AKAP13: variants seen among roughly 807,000 people sequenced by gnomAD.
AKAP13 encodes the protein A-kinase anchor protein 13.
Under a neutral mutation model 264.5 loss-of-function variants are expected in AKAP13, and 80 were observed. That is an observed-to-expected ratio of 0.30 (90% CI 0.25 to 0.36). The LOEUF (loss-of-function observed/expected upper bound fraction) is 0.36. AKAP13 is among the 10% of genes least tolerant of loss of function. The pLI is 1.00. For synonymous variants in AKAP13, 1,380 were observed against 1,250.2 expected (o/e 1.10, Z -2.19); for missense variants, 3,712 against 3,435.2 (o/e 1.08, Z -2.01).
intron 14 of AKAP13, among the ~76,000 whole-genome samples, chr15:85,677,944 A>T (rs2084344714): frequency 6.6e-6 from 1 of 152,094 alleles, no homozygotes; most frequent in Non-Finnish European, 1.5e-5. Context: ...CACAGCGCCC[A>T]GCCGGAGTTA....
chr15:85,399,359 G>A (rs970136508), intron 1 of AKAP13, among the ~76,000 whole-genome samples: 3 of 148,998 alleles, frequency 2.0e-5, no homozygotes, highest in Non-Finnish European at 4.5e-5. Context: ...AGCCGGGCGC[G>A]GTGGCGGGCG....
At chr15:85,477,955 C>T (rs569798310) in intron 1 of AKAP13, among the ~76,000 whole-genome samples, 2 of 152,244 alleles carry the variant, frequency 1.3e-5, no homozygotes, top group South Asian at 2.1e-4. Context: ...TCATATCTGG[C>T]GCGTGCTGTT....
intron 14 of AKAP13, among the ~76,000 whole-genome samples, chr15:85,670,361 C>T (rs560355034): frequency 6.6e-6 from 1 of 151,804 alleles, no homozygotes; most frequent in South Asian, 2.1e-4. Flanking sequence ...CTTATATTAC[C>T]ATAGTATATG....
Position 85,715,804 on chromosome 15 carries a change from G to A in AKAP13, c.5616G>A (p.Glu1872=), listed in dbSNP as rs773578064. The A allele has an allele frequency of 1.9e-6, 3 of 1,611,964 alleles. No homozygotes were observed. Among genetic ancestry groups the A allele is most frequent in the Non-Finnish European group, 1.7e-6 (2 of 1,179,582 alleles). The change falls in exon 20 of 37, where the codon GAG becomes GAA. Residue 1872 remains glutamate (E), a synonymous_variant. Coordinates refer to ENST00000394518, the MANE Select transcript of AKAP13 (RefSeq NM_007200.5). ...IMRNKPSQPK[E]RPRSAVLLVD... is the part of the protein sequence containing the mutation. ...CTTTTGCAGCCTCACAGCCCAAGGA[G>A]CGTCCTCGGTCCGCAGTCCTCCTGG... is the stretch of plus-strand genomic sequence containing the variant.
rs905462725 is a variant in AKAP13 at position 85,741,480 on chromosome 15, A to G, written c.8043A>G (p.Glu2681=). ...EAERLSQRQT[E]RDLCQVSHPH... ...AGCGGCTCAGCCAGCGGCAGACAGAACGGGACCTGTGTCAGGTAATGGGAC... is the reference window on the plus strand; with the variant it reads ...AGCGGCTCAGCCAGCGGCAGACAGAGCGGGACCTGTGTCAGGTAATGGGAC... Residue 2681 remains glutamate (E), a synonymous_variant, in exon 35 of 37, where the codon GAA becomes GAG. Transcript: ENST00000394518. 3 of 1,594,126 alleles carry G rather than the reference A, an allele frequency of 1.9e-6. No individual in the cohort carries two copies. Among genetic ancestry groups the G allele is most frequent in the Admixed American group, 3.4e-5 (2 of 58,822 alleles).
In AKAP13 at chr15:85,684,914, G is replaced by A. The variant is rs1448790367; in HGVS notation, c.5289+41G>A. On this transcript the variant is annotated intron_variant, in intron 16 of 36. Coordinates refer to ENST00000394518, the MANE Select transcript of AKAP13 (RefSeq NM_007200.5). ...GGCATTGCTTGTGATCACCTCAGTA[G>A]GATCCTGTCACAGCCTGCATTCACA... 2.5e-6 allele frequency: 4 copies of A among 1,590,380 alleles called. No individual in the cohort carries two copies. The African/African-American group carries it at 5.4e-5, about 21-fold the overall frequency.
intron 14 of AKAP13, among the ~76,000 whole-genome samples, chr15:85,673,247 A>G (rs190479030): frequency 3.3e-5 from 5 of 152,318 alleles, no homozygotes; most frequent in Admixed American, 1.3e-4. Context: ...TACTGAATAG[A>G]GAGGGTGACT....
At chr15:85,712,846 C>G (rs1847064310) in intron 19 of AKAP13, among the ~76,000 whole-genome samples, 2 of 152,108 alleles carry the variant, frequency 1.3e-5, no homozygotes, top group African/African-American at 4.8e-5. Context: ...ACCTGGCCCT[C>G]CCACAAATAT....
At chr15:85,512,865 GTA>G (rs2076485104) in intron 2 of AKAP13, among the ~76,000 whole-genome samples, 1 of 138,658 alleles carries the variant, frequency 7.2e-6, no homozygotes, top group Admixed American at 7.3e-5. Context: ...ATGTATGTAT[GTA>G]TGTTTTTGAG....
rs188757557 is a variant in AKAP13, at chr15:85,409,280, C to T, written c.-12+28482C>T. Among the ~76,000 whole-genome samples the T allele has an allele frequency of 2.0e-4, 31 of 151,856 alleles. 1 individual carries two copies. In the Middle Eastern group the frequency reaches 0.014, roughly 67 times the overall value. The stretch of plus-strand genomic sequence containing the variant: ...GGAACCTCTGCCTCCCAGGTTCAAG[C>T]GATTCTCCTGCCTCAGCCTCCTGAG... On this transcript the variant is annotated intron_variant, in intron 1 of 36. Coordinates refer to ENST00000394518, the MANE Select transcript of AKAP13 (RefSeq NM_007200.5).
chr15:85,533,078 G>T (rs952150933), intron 3 of AKAP13, among the ~76,000 whole-genome samples: 1 of 152,212 alleles, frequency 6.6e-6, no homozygotes, highest in Non-Finnish European at 1.5e-5. Flanking sequence ...TTTTCCAAGT[G>T]CTTCATCATG....
intron 18 of AKAP13, among the ~76,000 whole-genome samples, chr15:85,709,752 GTCTT>G (rs1163409483): frequency 1.3e-5 from 2 of 151,926 alleles, no homozygotes; most frequent in Non-Finnish European, 2.9e-5. Context: ...CAATGGCACA[GTCTT>G]GGCTCACTGC....
At chr15:85,547,047 G>A (rs1181329791) in intron 5 of AKAP13, among the ~76,000 whole-genome samples, 2 of 152,074 alleles carry the variant, frequency 1.3e-5, no homozygotes, top group African/African-American at 4.8e-5. Flanking sequence ...CAGCCATGAT[G>A]CTATCTTTCT....
At chr15:85,599,341 T>G (rs542926703) in intron 8 of AKAP13, among the ~76,000 whole-genome samples, 1 of 152,372 alleles carries the variant, frequency 6.6e-6, no homozygotes, top group East Asian at 1.9e-4. Flanking sequence ...TTAGGTTTGC[T>G]TTTAAATCGA....
chr15:85,447,736 G>A (rs1423352445), intron 1 of AKAP13, among the ~76,000 whole-genome samples: 1 of 152,188 alleles, frequency 6.6e-6, no homozygotes. Flanking sequence ...ATTTCAAGAT[G>A]TATATGTACC....
In AKAP13 at chr15:85,521,491, T is replaced by C. The variant is rs139333419; in HGVS notation, c.97T>C (p.Tyr33His). ...EDKAEDDVVF[Y>H]LVFLGSTLRH... is the part of the protein sequence containing the mutation. ...CAAAGCTGAAGATGATGTAGTGTTT[T>C]ACTTGGTATTTTTGGGTTCCACCCT... is the stretch of plus-strand genomic sequence containing the variant. The change falls in exon 3 of 37, where the codon TAC becomes CAC. Residue 33 changes from tyrosine (Y) to histidine (H), a missense_variant. Coordinates refer to ENST00000394518, the MANE Select transcript of AKAP13 (RefSeq NM_007200.5). 130 of 1,614,082 alleles carry C rather than the reference T, an allele frequency of 8.1e-5. No homozygotes were observed. Among genetic ancestry groups the C allele is most frequent in the Non-Finnish European group, 9.8e-5 (116 of 1,180,032 alleles).
intron 10 of AKAP13, among the ~76,000 whole-genome samples, chr15:85,650,167 C>T (rs1416537456): frequency 6.6e-6 from 1 of 152,204 alleles, no homozygotes; most frequent in East Asian, 1.9e-4. Context: ...TGCTGGTTCA[C>T]ACTTGTAATC....
In AKAP13 at chr15:85,588,015, C is replaced by CAA. The variant is rs58498483; in HGVS notation, c.4161+2203_4161+2204dup. Among the ~76,000 whole-genome samples, 220 of 144,704 alleles carry CAA rather than the reference C, an allele frequency of 1.5e-3. 1 individual carries two copies. Among genetic ancestry groups the CAA allele is most frequent in the African/African-American group, 4.2e-3 (167 of 39,786 alleles). 94.9% of individuals were successfully genotyped at this position (144,704 alleles called of 152,430 possible). ...CCTATGCTTTAGATTCCATGGTGGT[C>CAA]AAAAAAAAAAAATTAGAAAGCTGAA... is the stretch of plus-strand genomic sequence containing the variant. On this transcript the variant is annotated intron_variant, in intron 8 of 36. Transcript: ENST00000394518.
intron 8 of AKAP13, among the ~76,000 whole-genome samples, chr15:85,638,108 T>C (rs1027720470): frequency 6.6e-6 from 1 of 151,872 alleles, no homozygotes; most frequent in Non-Finnish European, 1.5e-5. Flanking sequence ...ATGGTCTCCA[T>C]CTCCTGACCT....
Sources: allele counts gnomAD v4.1 joint callset (sites outside exome capture counted in the v4.1 genomes callset), GRCh38; gene constraint gnomAD v4.1.1; transcripts MANE v1.5; gene names NCBI Gene and HGNC (gene_info 2026-07-23, HGNC 2026-07-21).